CDH12: variants seen among roughly 807,000 people sequenced by gnomAD.
CDH12 encodes the protein cadherin 12.
A neutral mutation model predicts 74.1 loss-of-function variants in CDH12; 41 were observed. The observed-to-expected ratio is 0.55, with a 90% confidence interval of 0.43 to 0.72. The LOEUF is 0.72. Among genes scored for constraint, CDH12 ranks in the 30% least tolerant of loss-of-function variants. The pLI is 0.00. For synonymous variants in CDH12, 399 were observed against 355.0 expected (o/e 1.12, Z -1.39); for missense variants, 945 against 977.2 (o/e 0.97, Z 0.44).
intron 6 of CDH12, among the ~76,000 whole-genome samples, chr5:21,868,898 A>T (rs1452542917): frequency 2.6e-5 from 4 of 152,144 alleles, no homozygotes; most frequent in Non-Finnish European, 5.9e-5. Context: ...ATTAATTTTG[A>T]GGGCCAGGGT....
At chr5:22,287,819 T>G (rs1025306680) in intron 3 of CDH12, among the ~76,000 whole-genome samples, 4 of 152,012 alleles carry the variant, frequency 2.6e-5, no homozygotes, top group Non-Finnish European at 5.9e-5. Context: ...TAAATTGAAG[T>G]TTCAGATTTC....
At chr5:22,262,474 C>T (rs1441139553) in intron 3 of CDH12, among the ~76,000 whole-genome samples, 3 of 151,756 alleles carry the variant, frequency 2.0e-5, no homozygotes, top group African/African-American at 7.3e-5. Flanking sequence ...CATAGTATTC[C>T]ATGGTGTATA....
intron 3 of CDH12, among the ~76,000 whole-genome samples, chr5:22,227,883 G>GT (rs1238163349): frequency 6.6e-6 from 1 of 152,074 alleles, no homozygotes; most frequent in Non-Finnish European, 1.5e-5. Context: ...GTTTTCGTAT[G>GT]TAATGTGAAT....
chr5:22,025,281 T>C (rs147318409), intron 5 of CDH12, among the ~76,000 whole-genome samples: 1 of 152,144 alleles, frequency 6.6e-6, no homozygotes, highest in African/African-American at 2.4e-5. Context: ...ATTAGATAGA[T>C]ATAATATACA....
intron 1 of CDH12, among the ~76,000 whole-genome samples, chr5:22,690,824 T>C: frequency 6.6e-6 from 1 of 152,166 alleles, no homozygotes; most frequent in East Asian, 1.9e-4. Context: ...TTTAAGATTT[T>C]ATTATTCTCT....
chr5:21,773,052 TATA>T (rs1745405089), intron 11 of CDH12, among the ~76,000 whole-genome samples: 1 of 152,170 alleles, frequency 6.6e-6, no homozygotes, highest in African/African-American at 2.4e-5. Flanking sequence ...TTACATAGCA[TATA>T]ATAATGAGAA....
At chr5:22,755,515 A>C (rs2127043543) in intron 1 of CDH12, among the ~76,000 whole-genome samples, 1 of 152,276 alleles carries the variant, frequency 6.6e-6, no homozygotes, top group Non-Finnish European at 1.5e-5. Flanking sequence ...TCACGAGCAA[A>C]GTAATGCACA....
chr5:22,414,653 T>A (rs1303900119), intron 2 of CDH12, among the ~76,000 whole-genome samples: 1 of 151,856 alleles, frequency 6.6e-6, no homozygotes, highest in Non-Finnish European at 1.5e-5. Flanking sequence ...ATGAAAACCT[T>A]TGCTATGGTA....
chr5:22,576,940 G>A (rs1360341058), intron 1 of CDH12, among the ~76,000 whole-genome samples: 2 of 151,978 alleles, frequency 1.3e-5, no homozygotes, highest in Non-Finnish European at 2.9e-5. Context: ...ATTTCTCAAA[G>A]GAATAAATCC....
intron 3 of CDH12, among the ~76,000 whole-genome samples, chr5:22,216,761 T>C (rs904377314): frequency 6.6e-6 from 1 of 151,860 alleles, no homozygotes; most frequent in Non-Finnish European, 1.5e-5. Flanking sequence ...GAGTTTAAGA[T>C]AAGATGAAAT....
intron 1 of CDH12, among the ~76,000 whole-genome samples, chr5:22,792,381 G>A (rs888671342): frequency 3.3e-5 from 5 of 152,126 alleles, no homozygotes; most frequent in Non-Finnish European, 4.4e-5. Context: ...GAGCCACCAC[G>A]CCCGGCCTGA....
rs553007622 is a variant in CDH12, at chr5:22,195,562, T to C, written c.-187+16936A>G. ...AGGAAAAACAATTATTATTTTTCCT[T>C]TGAAAAATTGTTATTTGTCATTCAT... On this transcript the variant is annotated intron_variant, in intron 4 of 14. Transcript: ENST00000382254. 5.9e-5 allele frequency among the ~76,000 whole-genome samples: 9 copies of C among 152,368 alleles called. No individual in the cohort carries two copies. In the South Asian group the frequency reaches 1.9e-3, roughly 32 times the overall value.
chr5:21,839,800 T>C (rs957188525), intron 8 of CDH12, among the ~76,000 whole-genome samples: 6 of 152,158 alleles, frequency 3.9e-5, no homozygotes, highest in African/African-American at 1.4e-4. Flanking sequence ...TTAAGATCCT[T>C]ATACAACCAG....
intron 4 of CDH12, among the ~76,000 whole-genome samples, chr5:22,138,914 T>TTGAA (rs947917372): frequency 3.2e-4 from 45 of 140,942 alleles, no homozygotes; most frequent in African/African-American, 1.2e-3. Context: ...GATACTAGCT[T>TTGAA]TGAATGAAAC....
At chr5:22,128,551 G>T (rs1342241627) in intron 4 of CDH12, among the ~76,000 whole-genome samples, 1 of 151,860 alleles carries the variant, frequency 6.6e-6, no homozygotes, top group Non-Finnish European at 1.5e-5. Flanking sequence ...TTTGACACAT[G>T]ATCTCTCAAG....
chr5:22,445,579 A>G (rs950808476), intron 2 of CDH12, among the ~76,000 whole-genome samples: 11 of 152,146 alleles, frequency 7.2e-5, no homozygotes, highest in African/African-American at 2.7e-4. Flanking sequence ...AGTCCTGTGT[A>G]AAACAAAACA....
intron 1 of CDH12, among the ~76,000 whole-genome samples, chr5:22,605,620 C>A (rs1432136421): frequency 6.6e-6 from 1 of 152,190 alleles, no homozygotes; most frequent in African/African-American, 2.4e-5. Context: ...GGTCTGCTGA[C>A]CTCAGGTGCA....
At chr5:22,759,281 C>T (rs748851969) in intron 1 of CDH12, among the ~76,000 whole-genome samples, 3 of 152,066 alleles carry the variant, frequency 2.0e-5, no homozygotes, top group Non-Finnish European at 2.9e-5. Flanking sequence ...TTGTTTTATT[C>T]TTACCTTATT....
At chr5:22,340,283 T>G (rs1015432175) in intron 3 of CDH12, among the ~76,000 whole-genome samples, 3 of 152,188 alleles carry the variant, frequency 2.0e-5, no homozygotes, top group Admixed American at 6.5e-5. Flanking sequence ...CCCCAGCACT[T>G]TGGGAGGCTG....
Sources: allele counts gnomAD v4.1 joint callset (sites outside exome capture counted in the v4.1 genomes callset), GRCh38; gene constraint gnomAD v4.1.1; transcripts MANE v1.5; gene names NCBI Gene and HGNC (gene_info 2026-07-23, HGNC 2026-07-21).